The following DSCAM variants were observed in gnomAD, a reference collection of about 807,000 sequenced individuals.
DSCAM encodes cell adhesion molecule DSCAM.
In DSCAM, 47 loss-of-function variants were observed where a neutral mutation model predicts 217.7. That is an observed-to-expected ratio of 0.22 (90% CI 0.17 to 0.28). DSCAM has a LOEUF of 0.28. DSCAM is among the 10% of genes least tolerant of loss of function. The probability of loss-of-function intolerance (pLI) is 1.00; values close to 1 mark genes in which losing one functional copy is unlikely to be tolerated. For missense variants in DSCAM, 2,080 were observed against 2,618.3 expected (o/e 0.79, Z 4.49); for synonymous variants, 1,056 against 1,015.3 (o/e 1.04, Z -0.76).
intron 3 of DSCAM, among the ~76,000 whole-genome samples, chr21:40,507,739 T>A (rs1018652778): frequency 7.2e-5 from 11 of 151,994 alleles, no homozygotes; most frequent in Non-Finnish European, 1.2e-4. Context: ...GCAGTGATCA[T>A]GCCACTGCAC....
intron 3 of DSCAM, among the ~76,000 whole-genome samples, chr21:40,580,401 C>T (rs773039152): frequency 6.2e-4 from 94 of 151,658 alleles, no homozygotes; most frequent in Non-Finnish European, 1.1e-3. Flanking sequence ...GGCGTGGTGG[C>T]GGGCGCCCAT....
rs901443334 is a variant in DSCAM at position 40,056,237 on chromosome 21, T to C, written c.4920-397A>G. Among the ~76,000 whole-genome samples, 4 of 152,146 alleles carry C rather than the reference T, an allele frequency of 2.6e-5. No individual in the cohort carries two copies. The East Asian group carries it at 7.7e-4, about 29-fold the overall frequency. ...AATAAAGCACCAGATATTCCAAAGA[T>C]GGTGAGGGAAAAAGCACGTGCACCA... On this transcript the variant is annotated intron_variant, in intron 28 of 32. Transcript: ENST00000400454.
At chr21:40,654,634 G>A (rs1010435779) in intron 3 of DSCAM, among the ~76,000 whole-genome samples, 3 of 152,108 alleles carry the variant, frequency 2.0e-5, no homozygotes, top group Non-Finnish European at 2.9e-5. Context: ...GCTCTTAGAG[G>A]CCATCCCTGT....
intron 15 of DSCAM, among the ~76,000 whole-genome samples, chr21:40,171,637 C>A (rs111628392): frequency 6.6e-6 from 1 of 151,032 alleles, no homozygotes; most frequent in African/African-American, 2.4e-5. Flanking sequence ...TACAAACACA[C>A]AATAGGGCTA....
intron 3 of DSCAM, among the ~76,000 whole-genome samples, chr21:40,537,909 T>C (rs1171120878): frequency 6.6e-6 from 1 of 152,172 alleles, no homozygotes; most frequent in African/African-American, 2.4e-5. Context: ...ACCTTTCGCA[T>C]TATATGAAGT....
chr21:40,492,744 A>C lies in DSCAM; in HGVS notation c.509-123499T>G, dbSNP rs2076086363. Among the ~76,000 whole-genome samples the C allele has an allele frequency of 3.3e-5, 5 of 152,188 alleles. No homozygotes were observed. In the South Asian group the frequency reaches 1.0e-3, roughly 31 times the overall value. Reference sequence around the variant, plus strand: ...ATACATGGAATTATATGACCAATTCAAGAAAGCAAATCTTTGCATTACAGG... The same window carrying C: ...ATACATGGAATTATATGACCAATTCCAGAAAGCAAATCTTTGCATTACAGG... On this transcript the variant is annotated intron_variant, in intron 3 of 32. Coordinates refer to ENST00000400454, the MANE Select transcript of DSCAM (RefSeq NM_001389.5).
chr21:40,258,527 T>C (rs1175066679), intron 11 of DSCAM, among the ~76,000 whole-genome samples: 1 of 152,218 alleles, frequency 6.6e-6, no homozygotes, highest in African/African-American at 2.4e-5. Flanking sequence ...CCCATCTAAA[T>C]AGGAATAAAC....
chr21:40,638,583 C>A (rs536656311), intron 3 of DSCAM, among the ~76,000 whole-genome samples: 4 of 152,136 alleles, frequency 2.6e-5, no homozygotes, highest in African/African-American at 9.7e-5. Context: ...TAATTCAGAT[C>A]GTTTCCTCTG....
chr21:40,683,468 A>G (rs947849916), intron 3 of DSCAM, among the ~76,000 whole-genome samples: 1 of 152,214 alleles, frequency 6.6e-6, no homozygotes, highest in Non-Finnish European at 1.5e-5. Context: ...AAGAAAGTAA[A>G]GACAGAGAAA....
Position 40,095,026 on chromosome 21 carries a change from A to G in DSCAM, c.3697-1152T>C, listed in dbSNP as rs1423034642. The stretch of plus-strand genomic sequence containing the variant: ...CATGCTGCTGATAAAGACATACCCG[A>G]GACTAGGTAATTTATAAATAAAAAG... On this transcript the variant is annotated intron_variant, in intron 20 of 32. Transcript: ENST00000400454. 2.0e-5 allele frequency among the ~76,000 whole-genome samples: 3 copies of G among 152,190 alleles called. No homozygotes were observed. In the South Asian group the frequency reaches 6.2e-4, roughly 32 times the overall value.
intron 3 of DSCAM, among the ~76,000 whole-genome samples, chr21:40,589,362 G>A (rs758731375): frequency 6.6e-6 from 1 of 152,212 alleles, no homozygotes; most frequent in Non-Finnish European, 1.5e-5. Flanking sequence ...TGGATCACGA[G>A]GTTAGGAATT....
At chr21:40,062,753 A>T in intron 28 of DSCAM, 116 bp downstream of exon 28, 1 of 974,438 alleles carries the variant, frequency 1.0e-6, no homozygotes. Flanking sequence ...TTTTTTCTAA[A>T]AAGAAAAGAC....
At chr21:40,491,859 T>C (rs1159972431) in intron 3 of DSCAM, among the ~76,000 whole-genome samples, 1 of 152,220 alleles carries the variant, frequency 6.6e-6, no homozygotes, top group Non-Finnish European at 1.5e-5. Context: ...TTGCCCCCAC[T>C]GACTATTGCC....
intron 1 of DSCAM, among the ~76,000 whole-genome samples, chr21:40,780,421 G>GTATATATATATA (rs1490666344): frequency 1.3e-3 from 62 of 48,014 alleles, no homozygotes; most frequent in African/African-American, 5.6e-3. Flanking sequence ...GTGTGTGTGT[G>GTATATATATATA]TGTATATATA....
chr21:40,687,012 C>G (rs1037422776), intron 3 of DSCAM, among the ~76,000 whole-genome samples: 1 of 152,194 alleles, frequency 6.6e-6, no homozygotes, highest in African/African-American at 2.4e-5. Context: ...AACATGACAT[C>G]TCTGTGCCTT....
chr21:40,289,218 A>G (rs973644809), intron 10 of DSCAM, among the ~76,000 whole-genome samples: 3 of 152,210 alleles, frequency 2.0e-5, no homozygotes, highest in African/African-American at 7.2e-5. Context: ...CCAACAGGGT[A>G]ATTGAGCAGA....
chr21:40,685,698 AT>A (rs1364329962), intron 3 of DSCAM, among the ~76,000 whole-genome samples: 1 of 152,180 alleles, frequency 6.6e-6, no homozygotes, highest in Non-Finnish European at 1.5e-5. Flanking sequence ...ACAGCCATGG[AT>A]GCAGCTACAT....
At chr21:40,566,818 A>G (rs2076768298) in intron 3 of DSCAM, among the ~76,000 whole-genome samples, 1 of 152,054 alleles carries the variant, frequency 6.6e-6, no homozygotes, top group African/African-American at 2.4e-5. Flanking sequence ...TCACTCATTG[A>G]ACAAATATGT....
intron 20 of DSCAM, among the ~76,000 whole-genome samples, chr21:40,099,535 TTAG>T (rs1289793651): frequency 1.3e-5 from 2 of 152,198 alleles, no homozygotes; most frequent in Non-Finnish European, 2.9e-5. Flanking sequence ...TTTCCTGGTC[TTAG>T]TAGAAGGGCA....
Sources: allele counts gnomAD v4.1 joint callset (sites outside exome capture counted in the v4.1 genomes callset), GRCh38; gene constraint gnomAD v4.1.1; transcripts MANE v1.5; gene names NCBI Gene and HGNC (gene_info 2026-07-23, HGNC 2026-07-21).